The following KIAA0825 variants were observed in gnomAD, a reference collection of about 807,000 sequenced individuals.
The protein encoded by KIAA0825 is uncharacterized protein KIAA0825.
In KIAA0825, 119 loss-of-function variants were observed where a neutral mutation model predicts 147.6. That is an observed-to-expected ratio of 0.81 (90% confidence interval 0.69 to 0.94). The LOEUF is 0.94. Ranked by LOEUF, KIAA0825 falls within the 40% of genes least tolerant of loss-of-function variation. The probability of loss-of-function intolerance (pLI) is 0.00; values close to 1 mark genes in which losing one functional copy is unlikely to be tolerated. For synonymous variants in KIAA0825, 470 were observed against 518.1 expected (o/e 0.91, Z 1.26); for missense variants, 1,381 against 1,472.7 (o/e 0.94, Z 1.02).
intron 14 of KIAA0825, among the ~76,000 whole-genome samples, chr5:94,423,375 C>T (rs1754442415): frequency 6.6e-6 from 1 of 152,182 alleles, no homozygotes; most frequent in African/African-American, 2.4e-5. Context: ...CTCAATAACA[C>T]TGAAGGGCTC....
At chr5:94,319,913 CT>C (rs1260773394) in intron 20 of KIAA0825, among the ~76,000 whole-genome samples, 1 of 151,864 alleles carries the variant, frequency 6.6e-6, no homozygotes, top group Non-Finnish European at 1.5e-5. Flanking sequence ...CTCTGACCTC[CT>C]CTCCTTTGTC....
chr5:94,364,761 A>G (rs1216294664), intron 20 of KIAA0825, among the ~76,000 whole-genome samples: 7 of 152,150 alleles, frequency 4.6e-5, no homozygotes, highest in Non-Finnish European at 1.0e-4. Flanking sequence ...ATTTAGTCAG[A>G]TAGTGAGGGT....
At chr5:94,195,586 G>T (rs764707066) in intron 20 of KIAA0825, among the ~76,000 whole-genome samples, 1 of 146,640 alleles carries the variant, frequency 6.8e-6, no homozygotes, top group Non-Finnish European at 1.5e-5. Context: ...TTGTAACAAC[G>T]TTTTTTTTTT....
At chr5:94,495,005 G>A (rs571095788) in intron 5 of KIAA0825, among the ~76,000 whole-genome samples, 81 of 152,144 alleles carry the variant, frequency 5.3e-4, no homozygotes, top group African/African-American at 1.8e-3. Context: ...CTTTCCAACC[G>A]AATCACAGCC....
chr5:94,295,801 G>A (rs374156604), intron 20 of KIAA0825, among the ~76,000 whole-genome samples: 4 of 152,236 alleles, frequency 2.6e-5, no homozygotes, highest in African/African-American at 7.2e-5. Flanking sequence ...TGGAAACTTC[G>A]TCCCAGAGGG....
In KIAA0825 at chr5:94,343,557, C is replaced by T. The variant is rs558849591; in HGVS notation, c.3710+40811G>A. Among the ~76,000 whole-genome samples the T allele has an allele frequency of 1.9e-3, 296 of 152,066 alleles. 2 individuals are homozygous for T. Among genetic ancestry groups the T allele is most frequent in the Admixed American group, 3.8e-3 (58 of 15,284 alleles). On this transcript the variant is annotated intron_variant, in intron 20 of 20. Transcript: ENST00000682413. ...ACAAAAAATTAGCCGGGCCTAGTGG[C>T]GGGCGCCTGTAGTCCCAGCTACTGG...
chr5:94,282,786 G>T (rs1412119874), intron 20 of KIAA0825, among the ~76,000 whole-genome samples: 1 of 151,866 alleles, frequency 6.6e-6, no homozygotes, highest in Non-Finnish European at 1.5e-5. Flanking sequence ...AAATAACTTT[G>T]ACTTTAATTT....
chr5:94,594,099 T>G, intron 1 of KIAA0825: 1 of 544,496 alleles, frequency 1.8e-6, no homozygotes, highest in South Asian at 1.4e-5. Flanking sequence ...TGTTAGTGTT[T>G]CTTGGTTTCT....
chr5:94,314,330 T>C (rs1295923377), intron 20 of KIAA0825, among the ~76,000 whole-genome samples: 1 of 151,716 alleles, frequency 6.6e-6, no homozygotes, highest in East Asian at 1.9e-4. Context: ...TGTTGTGCTT[T>C]GGAAATGTCT....
Position 94,367,755 on chromosome 5 carries a change from C to T in KIAA0825, c.3710+16613G>A, listed in dbSNP as rs565336356. Among the ~76,000 whole-genome samples the T allele has an allele frequency of 5.3e-5, 8 of 152,332 alleles. No homozygotes were observed. The East Asian group carries it at 1.3e-3, about 26-fold the overall frequency. On this transcript the variant is annotated intron_variant, in intron 20 of 20. Coordinates refer to ENST00000682413, the MANE Select transcript of KIAA0825 (RefSeq NM_001145678.3). Reference sequence around the variant, plus strand: ...TATATTTAAAAATCTCTGTACTTCACTCCAGCTCTTATCCCTTTGATACTT... The same window carrying T: ...TATATTTAAAAATCTCTGTACTTCATTCCAGCTCTTATCCCTTTGATACTT...
At chr5:94,313,724 A>G (rs1309737768) in intron 20 of KIAA0825, among the ~76,000 whole-genome samples, 1 of 151,154 alleles carries the variant, frequency 6.6e-6, no homozygotes, top group African/African-American at 2.4e-5. Context: ...GTATCAGGAG[A>G]CCATTTTAAT....
At chr5:94,350,103 A>G (rs1189282108) in intron 20 of KIAA0825, among the ~76,000 whole-genome samples, 1 of 152,196 alleles carries the variant, frequency 6.6e-6, no homozygotes, top group Non-Finnish European at 1.5e-5. Context: ...AGATATTACA[A>G]CTGACACCAC....
intron 20 of KIAA0825, among the ~76,000 whole-genome samples, chr5:94,176,094 T>G (rs200678342): frequency 6.6e-6 from 1 of 152,108 alleles, no homozygotes; most frequent in Admixed American, 6.6e-5. Flanking sequence ...TGTGGCAGTG[T>G]TGGGGGTAGG....
intron 20 of KIAA0825, among the ~76,000 whole-genome samples, chr5:94,288,161 A>G (rs1777735756): frequency 6.6e-6 from 1 of 152,092 alleles, no homozygotes; most frequent in African/African-American, 2.4e-5. Context: ...ATGGAAATGG[A>G]GGGACCTGTA....
At chr5:94,542,710 G>A (rs923540599) in intron 2 of KIAA0825, among the ~76,000 whole-genome samples, 15 of 152,062 alleles carry the variant, frequency 9.9e-5, no homozygotes, top group Non-Finnish European at 2.1e-4. Flanking sequence ...AGGAGACTGA[G>A]GCAGGAGAAT....
intron 5 of KIAA0825, chr5:94,519,064 A>C: frequency 3.5e-6 from 1 of 288,484 alleles, no homozygotes; most frequent in Non-Finnish European, 5.2e-6. Context: ...TGAGCAAAAT[A>C]ATAATGTTCC....
chr5:94,464,064 CAAAAAAAAAA>C (rs11364703), intron 11 of KIAA0825, among the ~76,000 whole-genome samples: 2 of 90,296 alleles, frequency 2.2e-5, no homozygotes, highest in South Asian at 3.4e-4. Flanking sequence ...TTCCTCCTGC[CAAAAAAAAAA>C]AAAAAAAAAA....
chr5:94,501,167 A>C (rs1765037830), intron 5 of KIAA0825, among the ~76,000 whole-genome samples: 1 of 152,264 alleles, frequency 6.6e-6, no homozygotes, highest in South Asian at 2.1e-4. Context: ...TGATTTAAAA[A>C]TAAAAAAATA....
At chr5:94,375,132 A>G (rs1459004818) in intron 20 of KIAA0825, among the ~76,000 whole-genome samples, 2 of 150,516 alleles carry the variant, frequency 1.3e-5, no homozygotes, top group African/African-American at 4.9e-5. Context: ...CCAGGGTTCA[A>G]GTGATTCTCC....
Sources: allele counts gnomAD v4.1 joint callset (sites outside exome capture counted in the v4.1 genomes callset), GRCh38; gene constraint gnomAD v4.1.1; transcripts MANE v1.5; gene names NCBI Gene and HGNC (gene_info 2026-07-23, HGNC 2026-07-21).